Variants in PLCL1 observed in about 807,000 individuals in gnomAD.
PLCL1 encodes inactive phospholipase C-like protein 1.
Under a neutral mutation model 84.4 loss-of-function variants are expected in PLCL1, and 41 were observed. The observed-to-expected ratio is 0.49, with a 90% confidence interval of 0.38 to 0.63. The LOEUF is 0.63. PLCL1 is among the 30% of genes least tolerant of loss of function. PLCL1 has a pLI of 0.00. For missense variants in PLCL1, 1,206 were observed against 1,367.8 expected (o/e 0.88, Z 1.87); for synonymous variants, 490 against 488.3 (o/e 1.00, Z -0.05).
intron 1 of PLCL1, among the ~76,000 whole-genome samples, chr2:198,068,727 T>A (rs1334328962): frequency 6.6e-6 from 1 of 152,204 alleles, no homozygotes; most frequent in Admixed American, 6.5e-5. Flanking sequence ...TGATGTTTAT[T>A]CCATTTAAAA....
chr2:197,951,345 C>T (rs903819461), intron 1 of PLCL1, among the ~76,000 whole-genome samples: 18 of 152,178 alleles, frequency 1.2e-4, no homozygotes, highest in Admixed American at 3.3e-4. Context: ...TTGTGCTTCA[C>T]ATGACCCTGC....
At chr2:197,862,149 A>G (rs1361159283) in intron 1 of PLCL1, among the ~76,000 whole-genome samples, 2 of 152,150 alleles carry the variant, frequency 1.3e-5, no homozygotes, top group Non-Finnish European at 2.9e-5. Context: ...GATAGCATCT[A>G]TAACTTTTAA....
At chr2:197,960,766 T>C (rs1475045176) in intron 1 of PLCL1, among the ~76,000 whole-genome samples, 2 of 151,994 alleles carry the variant, frequency 1.3e-5, no homozygotes, top group Admixed American at 6.6e-5. Context: ...CAGATACAAA[T>C]TGTCATTAGG....
intron 1 of PLCL1, among the ~76,000 whole-genome samples, chr2:197,971,073 T>C (rs937013796): frequency 1.3e-5 from 2 of 152,246 alleles, no homozygotes; most frequent in East Asian, 3.8e-4. Context: ...TCCTTATGGC[T>C]AACATTTTCT....
chr2:197,944,735 T>C (rs1689237191), intron 1 of PLCL1, among the ~76,000 whole-genome samples: 1 of 152,218 alleles, frequency 6.6e-6, no homozygotes, highest in Non-Finnish European at 1.5e-5. Context: ...CAACTTCCCT[T>C]ACCTTTAGCT....
chr2:198,083,888 T>C lies in PLCL1; in HGVS notation c.371T>C (p.Val124Ala). The C allele has an allele frequency of 6.2e-7, 1 of 1,614,134 alleles. No individual in the cohort carries two copies. The highest frequency in any genetic ancestry group is 1.1e-5 in the South Asian group (1 of 91,086). Residue 124 changes from valine to alanine, a missense_variant, in exon 2 of 6, where the codon GTC (valine) becomes GCC (alanine). Physicochemically the swap from Val to Ala is moderately conservative, Grantham distance 64. Coordinates refer to ENST00000428675, the MANE Select transcript of PLCL1 (RefSeq NM_006226.4). ...CAAGCTGGCTGTGAGTTGAAGAAAG[T>C]CCGGCCAAATTCTCGCATTTACAAC... is the stretch of plus-strand genomic sequence containing the variant. ...FMQAGCELKKVRPNSRIYNRF... is the reference protein window; with the variant it reads ...FMQAGCELKKARPNSRIYNRF...
intron 1 of PLCL1, among the ~76,000 whole-genome samples, chr2:197,827,140 AGCTAGAGTATTATTTCTAAATG>A (rs1227599540): frequency 1.3e-5 from 2 of 152,188 alleles, no homozygotes; most frequent in African/African-American, 4.8e-5. Context: ...CCAGAGTAGT[AGCTAGAGTATTATTTCTAAATG>A]GCAAATCCAA....
chr2:198,133,187 T>A (rs980210025), intron 5 of PLCL1, among the ~76,000 whole-genome samples: 3 of 152,042 alleles, frequency 2.0e-5, no homozygotes, highest in Admixed American at 6.6e-5. Context: ...CATGGAATAC[T>A]ATGCAGCCAT....
intron 1 of PLCL1, among the ~76,000 whole-genome samples, chr2:197,853,604 C>T (rs954249580): frequency 6.6e-6 from 1 of 152,112 alleles, no homozygotes; most frequent in Admixed American, 6.6e-5. Context: ...AGCAACAAAA[C>T]GTGTAGTTTC....
At chr2:198,002,074 A>T in intron 1 of PLCL1, 1 of 350,768 alleles carries the variant, frequency 2.9e-6, no homozygotes, top group Non-Finnish European at 5.7e-6. Flanking sequence ...GGGCACAATA[A>T]ATGTAATGTG....
At chr2:198,069,938 A>G (rs1267780580) in intron 1 of PLCL1, among the ~76,000 whole-genome samples, 5 of 152,212 alleles carry the variant, frequency 3.3e-5, no homozygotes, top group Non-Finnish European at 7.3e-5. Context: ...AATGTGGATT[A>G]GAAGACAATG....
intron 1 of PLCL1, among the ~76,000 whole-genome samples, chr2:197,847,359 T>C (rs752413980): frequency 3.3e-5 from 5 of 152,152 alleles, no homozygotes; most frequent in Non-Finnish European, 5.9e-5. Flanking sequence ...CCCCAGATCC[T>C]CAGCACCCCA....
rs540394125 is a variant in PLCL1 at position 198,074,766 on chromosome 2, A to T, written c.241-8992A>T. Among the ~76,000 whole-genome samples, 6 of 152,226 alleles carry T rather than the reference A, an allele frequency of 3.9e-5. No homozygotes were observed. The South Asian group carries it at 1.0e-3, about 26-fold the overall frequency. On this transcript the variant is annotated intron_variant, in intron 1 of 5. Coordinates refer to ENST00000428675, the MANE Select transcript of PLCL1 (RefSeq NM_006226.4). ...TTTGTCAGGAATGTTCGTGACATGA[A>T]CTCTATTTAATAATGTCTTATTCCC... is the stretch of plus-strand genomic sequence containing the variant.
chr2:197,933,140 G>A (rs1688976636), intron 1 of PLCL1, among the ~76,000 whole-genome samples: 1 of 151,984 alleles, frequency 6.6e-6, no homozygotes, highest in African/African-American at 2.4e-5. Context: ...CTATATCCTA[G>A]TTGATTCTTA....
intron 1 of PLCL1, among the ~76,000 whole-genome samples, chr2:197,988,017 G>C (rs774695693): frequency 6.6e-6 from 1 of 152,146 alleles, no homozygotes; most frequent in Non-Finnish European, 1.5e-5. Context: ...ACATGTTAAA[G>C]AGAAACTGAG....
chr2:198,063,519 T>C lies in PLCL1; in HGVS notation c.241-20239T>C, dbSNP rs201351080. Among the ~76,000 whole-genome samples, 5 of 152,320 alleles carry C rather than the reference T, an allele frequency of 3.3e-5. No homozygotes were observed. The East Asian group carries it at 9.7e-4, about 29-fold the overall frequency. On this transcript the variant is annotated intron_variant, in intron 1 of 5. Coordinates refer to ENST00000428675, the MANE Select transcript of PLCL1 (RefSeq NM_006226.4). ...TACAAGTATGATAGCATTGATTAAT[T>C]TGAATGCTTTGTCTGAATCATTACT...
At chr2:197,898,883 A>G (rs934721885) in intron 1 of PLCL1, among the ~76,000 whole-genome samples, 6 of 151,860 alleles carry the variant, frequency 4.0e-5, no homozygotes, top group Non-Finnish European at 5.9e-5. Flanking sequence ...TATACACTGC[A>G]TACTGCACTG....
At chr2:198,116,626 G>T (rs1693754482) in intron 5 of PLCL1, among the ~76,000 whole-genome samples, 1 of 151,768 alleles carries the variant, frequency 6.6e-6, no homozygotes, top group Non-Finnish European at 1.5e-5. Context: ...TTTTATTAAT[G>T]CTTTGAAAAA....
chr2:197,851,666 CAT>C (rs1488624726), intron 1 of PLCL1, among the ~76,000 whole-genome samples: 1 of 152,212 alleles, frequency 6.6e-6, no homozygotes, highest in Non-Finnish European at 1.5e-5. Context: ...GGAGAAAAGA[CAT>C]TGGCTCCAGG....
Sources: gnomAD v4.1 joint callset for allele counts (sites outside exome capture counted in the v4.1 genomes callset) on GRCh38, gnomAD v4.1.1 for gene constraint, MANE v1.5 for transcripts, NCBI Gene and HGNC (gene_info 2026-07-23, HGNC 2026-07-21) for gene names.